Variants in IL12RB2 observed in about 807,000 individuals in gnomAD.
The protein encoded by IL12RB2 is interleukin 12 receptor subunit beta 2, also known as interleukin-12 receptor subunit beta-2.
IL12RB2 carries 82 observed loss-of-function variants against 89.4 expected under a neutral mutation model. The observed-to-expected ratio is 0.92, with a 90% CI of 0.77 to 1.10. The LOEUF (loss-of-function observed/expected upper bound fraction) is 1.10, where lower values mean the gene tolerates loss of function less well. Among genes scored for constraint, IL12RB2 ranks in the 50% least tolerant of loss-of-function variants. The pLI is 0.00. For missense variants in IL12RB2, 963 were observed against 1,031.9 expected (o/e 0.93, Z 0.92); for synonymous variants, 368 against 370.1 (o/e 0.99, Z 0.07).
intron 4 of IL12RB2, among the ~76,000 whole-genome samples, chr1:67,326,432 G>GA (rs200583522): frequency 4.0e-5 from 6 of 149,996 alleles, no homozygotes; most frequent in South Asian, 4.2e-4. Context: ...TTTCCTCTCT[G>GA]AAAAAAAATA....
chr1:67,377,047 T>C (rs1664059699), intron 13 of IL12RB2, among the ~76,000 whole-genome samples: 1 of 152,252 alleles, frequency 6.6e-6, no homozygotes, highest in Admixed American at 6.5e-5. Flanking sequence ...ATAGAAATTC[T>C]GTGATAGTCA....
intron 14 of IL12RB2, among the ~76,000 whole-genome samples, chr1:67,382,110 C>T (rs984781731): frequency 1.3e-5 from 2 of 152,190 alleles, no homozygotes; most frequent in Non-Finnish European, 2.9e-5. Context: ...GGCCAAGTGC[C>T]GTGGCTCCCA....
At chr1:67,310,477 G>A (rs1654900150) in intron 1 of IL12RB2, among the ~76,000 whole-genome samples, 1 of 152,128 alleles carries the variant, frequency 6.6e-6, no homozygotes, top group Middle Eastern at 3.2e-3. Context: ...GAAGTTAGGA[G>A]GTATGGAATC....
At chr1:67,382,640 T>C (rs1206247206) in intron 14 of IL12RB2, among the ~76,000 whole-genome samples, 4 of 152,146 alleles carry the variant, frequency 2.6e-5, no homozygotes, top group African/African-American at 9.7e-5. Context: ...ATAGTTTTTT[T>C]TTTCTGGTCT....
chr1:67,329,700 C>T lies in IL12RB2; in HGVS notation c.778C>T (p.Arg260Trp), dbSNP rs746659410. 10 of 1,605,990 alleles carry T rather than the reference C, an allele frequency of 6.2e-6. No individual in the cohort carries two copies. Among genetic ancestry groups the T allele is most frequent in the East Asian group, 4.5e-5 (2 of 44,840 alleles). ...GGTACTGCTTAATCGACTCAGATAT[C>T]GGCCCAGTAACAGCAGGCTCTGGAA... ...GLVLLNRLRY[R>W]PSNSRLWNMV... Residue 260 changes from arginine to tryptophan, a missense_variant, in exon 7 of 17, where the codon CGG (arginine) becomes TGG (tryptophan). Physicochemically the swap from Arg to Trp is moderately radical, Grantham distance 101. Coordinates refer to ENST00000674203, the MANE Select transcript of IL12RB2 (RefSeq NM_001374259.2).
rs764555439 is a variant in IL12RB2, at chr1:67,386,672, G to C, written c.1946+3G>C. Reference sequence around the variant, plus strand: ...TCAACGCATTACTTCCAGCAAAAGTGAGTTGGTTACACCTACCAAGTGGGT... The same window carrying C: ...TCAACGCATTACTTCCAGCAAAAGTCAGTTGGTTACACCTACCAAGTGGGT... On this transcript the variant is annotated splice_donor_region_variant and intron_variant, in intron 15 of 16. Coordinates refer to ENST00000674203, the MANE Select transcript of IL12RB2 (RefSeq NM_001374259.2). 7.5e-6 allele frequency: 12 copies of C among 1,592,556 alleles called. No homozygotes were observed. Among genetic ancestry groups the C allele is most frequent in the Non-Finnish European group, 8.6e-6 (10 of 1,160,476 alleles).
rs553975974 is a variant in IL12RB2 at position 67,395,777 on chromosome 1, G to C, written c.2277G>C (p.Glu759Asp). The change falls in exon 17 of 17, where the codon GAG (glutamate) becomes GAC (aspartate). Residue 759 changes from glutamate to aspartate, a missense_variant. Coordinates refer to ENST00000674203, the MANE Select transcript of IL12RB2 (RefSeq NM_001374259.2). Reference sequence around the variant, plus strand: ...CACCTCCAAGAGCTCTCCAAGCTGAGAGCAGACAACTGGTGGATCTGTACA... The same window carrying C: ...CACCTCCAAGAGCTCTCCAAGCTGACAGCAGACAACTGGTGGATCTGTACA... Reference protein sequence around the residue: ...SPPPPRALQAESRQLVDLYKV... With the variant: ...SPPPPRALQADSRQLVDLYKV... 1.7e-5 allele frequency: 27 copies of C among 1,614,152 alleles called. No homozygotes were observed. The African/African-American group carries it at 3.1e-4, about 18-fold the overall frequency.
rs1495963 is a variant in IL12RB2, at chr1:67,329,636, T to C, written c.714T>C (p.Ser238=). 0.96 allele frequency: 1,510,450 copies of C among 1,572,186 alleles called. 728,994 individuals are homozygous for C. Among genetic ancestry groups the C allele is most frequent in the Non-Finnish European group, 0.99 (1,128,320 of 1,141,938 alleles). ...TTAGAATCAAATTTCAAAAGGCTTCTGTGAGCAGATGTACCCTTTATTGGA... is the reference window on the plus strand; with the variant it reads ...TTAGAATCAAATTTCAAAAGGCTTCCGTGAGCAGATGTACCCTTTATTGGA... ...WDIRIKFQKA[S]VSRCTLYWRD... Residue 238 remains serine (S), a synonymous_variant, in exon 7 of 17, where the codon TCT becomes TCC. Transcript: ENST00000674203.
intron 9 of IL12RB2, among the ~76,000 whole-genome samples, chr1:67,340,990 T>G (rs1394985587): frequency 6.6e-6 from 1 of 152,220 alleles, no homozygotes; most frequent in Non-Finnish European, 1.5e-5. Context: ...AGAATCTCAC[T>G]TTGTAGTCTG....
chr1:67,380,151 T>C (rs966182381), intron 14 of IL12RB2, 28 bp downstream of exon 14: 7 of 1,612,796 alleles, frequency 4.3e-6, no homozygotes, highest in Non-Finnish European at 5.9e-6. Flanking sequence ...GGATGATGAG[T>C]CCACCCTGGA....
At chr1:67,368,088 C>A in intron 11 of IL12RB2, 63 bp downstream of exon 11, 3 of 1,064,682 alleles carry the variant, frequency 2.8e-6, no homozygotes, top group Non-Finnish European at 4.4e-6. Flanking sequence ...GGGGAAACTG[C>A]AGGCAAGAGC....
At position 67,377,810 on chromosome 1, in the gene IL12RB2, T is replaced by G. The variant is rs2101050122; in HGVS notation, c.1718-2176T>G. On this transcript the variant is annotated intron_variant, in intron 13 of 16. Coordinates refer to ENST00000674203, the MANE Select transcript of IL12RB2 (RefSeq NM_001374259.2). ...TTCTTTTTCAACCTCAACCTCAAAG[T>G]TGGCAAAATGAACCTCAAAACCCAC... 1.3e-5 allele frequency among the ~76,000 whole-genome samples: 2 copies of G among 151,952 alleles called. 1 individual carries two copies.
At chr1:67,324,305 C>T (rs1656989564) in intron 4 of IL12RB2, among the ~76,000 whole-genome samples, 3 of 152,236 alleles carry the variant, frequency 2.0e-5, no homozygotes. Flanking sequence ...TCACTTCAAC[C>T]TCTGCCTCCT....
intron 9 of IL12RB2, among the ~76,000 whole-genome samples, chr1:67,341,694 C>T (rs780814456): frequency 7.9e-5 from 12 of 152,160 alleles, no homozygotes; most frequent in Non-Finnish European, 1.6e-4. Context: ...TTCAGTGACT[C>T]TCTAGTCTAA....
chr1:67,330,657 A>AAAC lies in IL12RB2; in HGVS notation c.808-2_808-1insACA. On this transcript the variant is annotated splice_region_variant and splice_polypyrimidine_tract_variant and intron_variant, in intron 7 of 16. Transcript: ENST00000674203. ...GGCACTTTAAAAAAATGTCTGTTTC[A>AAAC]AGGTTAATGTTACAAAGGCCAAAGG... The AAAC allele has an allele frequency of 6.8e-7, 1 of 1,468,688 alleles. No individual in the cohort carries two copies. The highest frequency in any genetic ancestry group is 1.1e-5 in the South Asian group (1 of 88,142). The allele number at this position is 1,468,688 out of a possible 1,614,324, so 91.0% of individuals were successfully genotyped here.
intron 8 of IL12RB2, among the ~76,000 whole-genome samples, chr1:67,333,844 C>A (rs1193906202): frequency 6.6e-6 from 1 of 152,200 alleles, no homozygotes; most frequent in Non-Finnish European, 1.5e-5. Flanking sequence ...CCACTTAGAA[C>A]ACCCAGGAAG....
At chr1:67,331,572 G>A (rs879380146) in intron 8 of IL12RB2, among the ~76,000 whole-genome samples, 4 of 152,138 alleles carry the variant, frequency 2.6e-5, no homozygotes, top group African/African-American at 9.7e-5. Flanking sequence ...CGGCATGGTC[G>A]CTCAGGCCTG....
intron 2 of IL12RB2, among the ~76,000 whole-genome samples, chr1:67,316,560 G>C (rs1655798449): frequency 6.6e-6 from 1 of 151,960 alleles, no homozygotes; most frequent in Admixed American, 6.6e-5. Flanking sequence ...GTAAAATCTA[G>C]GCTCCCTTTT....
At position 67,333,353 on chromosome 1, in the gene IL12RB2, T is replaced by A. The variant is rs148162361; in HGVS notation, c.958+2543T>A. On this transcript the variant is annotated intron_variant, in intron 8 of 16. Coordinates refer to ENST00000674203, the MANE Select transcript of IL12RB2 (RefSeq NM_001374259.2). ...TTTTAACCCTTTCAATGTGTACTCA[T>A]ATGTAACTTGGCATTTAAAAAAAAT... is the stretch of plus-strand genomic sequence containing the variant. Among the ~76,000 whole-genome samples, 327 of 151,920 alleles carry A rather than the reference T, an allele frequency of 2.2e-3. 2 individuals are homozygous for A. Among genetic ancestry groups the A allele is most frequent in the African/African-American group, 7.7e-3 (319 of 41,482 alleles).
Sources: gnomAD v4.1 joint callset for allele counts (sites outside exome capture counted in the v4.1 genomes callset) on GRCh38, gnomAD v4.1.1 for gene constraint, MANE v1.5 for transcripts, NCBI Gene and HGNC (gene_info 2026-07-23, HGNC 2026-07-21) for gene names.